The following PLD5 variants were observed in gnomAD, a reference collection of about 807,000 sequenced individuals.
The protein encoded by PLD5 is inactive phospholipase D5.
A neutral mutation model predicts 61.1 loss-of-function variants in PLD5; 36 were observed. The observed-to-expected ratio is 0.59, with a 90% CI of 0.45 to 0.78. The LOEUF is 0.78. Ranked by LOEUF, PLD5 falls within the 30% of genes least tolerant of loss-of-function variation. The probability of loss-of-function intolerance (pLI) is 0.00; values close to 1 mark genes in which losing one functional copy is unlikely to be tolerated. For missense variants in PLD5, 515 were observed against 644.4 expected (o/e 0.80, Z 2.17); for synonymous variants, 243 against 242.8 (o/e 1.00, Z -0.01).
intron 1 of PLD5, among the ~76,000 whole-genome samples, chr1:242,395,461 G>T (rs555101344): frequency 6.6e-6 from 1 of 151,994 alleles, no homozygotes; most frequent in East Asian, 1.9e-4. Context: ...TTTTTCTAGG[G>T]AATCATTAGA....
chr1:242,178,797 A>C (rs566516339), intron 5 of PLD5, among the ~76,000 whole-genome samples: 2 of 152,314 alleles, frequency 1.3e-5, no homozygotes, highest in East Asian at 3.9e-4. Context: ...ATCCCTCCAT[A>C]TGTCTAGAAA....
intron 9 of PLD5, among the ~76,000 whole-genome samples, chr1:242,094,440 C>T (rs979683056): frequency 1.3e-5 from 2 of 152,152 alleles, no homozygotes; most frequent in African/African-American, 4.8e-5. Context: ...CTTAGTGGAG[C>T]AGTGATTCCA....
chr1:242,170,828 G>A (rs780686692), intron 5 of PLD5, among the ~76,000 whole-genome samples: 1 of 152,024 alleles, frequency 6.6e-6, no homozygotes, highest in South Asian at 2.1e-4. Flanking sequence ...TCAACTTAAT[G>A]AAATAAAGCG....
At chr1:242,253,503 C>T (rs1574616169) in intron 4 of PLD5, among the ~76,000 whole-genome samples, 1 of 151,416 alleles carries the variant, frequency 6.6e-6, no homozygotes, top group South Asian at 2.1e-4. Flanking sequence ...TTAGTAGAGA[C>T]GGGGTTTCAC....
At chr1:242,468,126 T>C (rs1032798179) in intron 1 of PLD5, among the ~76,000 whole-genome samples, 3 of 152,204 alleles carry the variant, frequency 2.0e-5, no homozygotes, top group Admixed American at 6.5e-5. Flanking sequence ...TCTTTTAACA[T>C]AGCCAAAGTA....
intron 4 of PLD5, among the ~76,000 whole-genome samples, chr1:242,257,516 T>C (rs1673139311): frequency 6.6e-6 from 1 of 152,198 alleles, no homozygotes; most frequent in Non-Finnish European, 1.5e-5. Context: ...GGTTGTGTAA[T>C]TGGGCTGATC....
rs1663452669 is a variant in PLD5 at position 242,133,353 on chromosome 1, G to A, written c.736-8688C>T. ...ATAACCAATGGGAAACCTCTAGAGG[G>A]TATTTACACCCCAGAAAATTCTGTA... On this transcript the variant is annotated intron_variant, in intron 5 of 9. Transcript: ENST00000536534. Among the ~76,000 whole-genome samples, 3 of 152,258 alleles carry A rather than the reference G, an allele frequency of 2.0e-5. 1 individual carries two copies. In the South Asian group the frequency reaches 6.2e-4, roughly 32 times the overall value.
At chr1:242,124,396 T>TA in intron 6 of PLD5, 72 bp downstream of exon 6, 1 of 1,469,840 alleles carries the variant, frequency 6.8e-7, no homozygotes, top group Non-Finnish European at 9.4e-7. Flanking sequence ...AGATCACACT[T>TA]AAACATTCCA....
chr1:242,392,325 G>A (rs1401928457), intron 1 of PLD5, among the ~76,000 whole-genome samples: 4 of 152,128 alleles, frequency 2.6e-5, no homozygotes, highest in Non-Finnish European at 5.9e-5. Context: ...CTACCTGGGG[G>A]ATGGGATCAT....
intron 1 of PLD5, chr1:242,449,566 A>G: frequency 7.1e-7 from 1 of 1,418,228 alleles, no homozygotes; most frequent in East Asian, 2.6e-5. Flanking sequence ...AAAGGGCTGC[A>G]GCTTGCAATT....
intron 5 of PLD5, chr1:242,210,238 G>A (rs1180906339): frequency 6.6e-6 from 1 of 152,262 alleles, no homozygotes; most frequent in East Asian, 1.9e-4. Context: ...CCACTCCAGT[G>A]AATACACAAA....
chr1:242,441,570 T>C (rs538087850), intron 1 of PLD5, among the ~76,000 whole-genome samples: 1 of 152,342 alleles, frequency 6.6e-6, no homozygotes, highest in South Asian at 2.1e-4. Context: ...CCCTTTTTCA[T>C]CTTCCCTTAA....
intron 5 of PLD5, among the ~76,000 whole-genome samples, chr1:242,155,342 T>C (rs1665270093): frequency 6.6e-6 from 1 of 152,214 alleles, no homozygotes; most frequent in South Asian, 2.1e-4. Flanking sequence ...TTCGTGTCTC[T>C]ATCTCCTTCA....
chr1:242,383,069 G>T (rs1344882022), intron 1 of PLD5, among the ~76,000 whole-genome samples: 3 of 152,000 alleles, frequency 2.0e-5, no homozygotes, highest in Admixed American at 2.0e-4. Flanking sequence ...TCATTCTCCT[G>T]CACTTTCCCT....
chr1:242,142,291 C>A (rs908214936), intron 5 of PLD5, among the ~76,000 whole-genome samples: 6 of 152,190 alleles, frequency 3.9e-5, no homozygotes, highest in African/African-American at 1.4e-4. Context: ...GAAAAGCCTT[C>A]TATGGTAGGA....
intron 6 of PLD5, among the ~76,000 whole-genome samples, chr1:242,116,792 AT>A (rs1213283431): frequency 2.0e-5 from 3 of 152,040 alleles, no homozygotes; most frequent in Non-Finnish European, 4.4e-5. Flanking sequence ...TATGTACCAT[AT>A]TTTCTTTACA....
At chr1:242,172,102 C>A (rs1244204450) in intron 5 of PLD5, among the ~76,000 whole-genome samples, 1 of 152,188 alleles carries the variant, frequency 6.6e-6, no homozygotes, top group African/African-American at 2.4e-5. Context: ...CCTCATTGCA[C>A]TTATTCTAAA....
chr1:242,161,292 G>C (rs141572866), intron 5 of PLD5, among the ~76,000 whole-genome samples: 4,833 of 152,104 alleles, frequency 0.032, 99 homozygotes, highest in Middle Eastern at 0.11. Flanking sequence ...ATGTGCAGGG[G>C]AACTCCCCTT....
intron 5 of PLD5, among the ~76,000 whole-genome samples, chr1:242,159,472 T>A (rs1267342980): frequency 6.6e-6 from 1 of 152,152 alleles, no homozygotes; most frequent in African/African-American, 2.4e-5. Context: ...GAAAATGCTA[T>A]GAATTTGTTA....
Sources: allele counts gnomAD v4.1 joint callset (sites outside exome capture counted in the v4.1 genomes callset), GRCh38; gene constraint gnomAD v4.1.1; transcripts MANE v1.5; gene names NCBI Gene and HGNC (gene_info 2026-07-23, HGNC 2026-07-21).